GALNT13: variants seen among roughly 807,000 people sequenced by gnomAD.
The protein encoded by GALNT13 is UDP-GalNAc:polypeptide N-acetylgalactosaminyltransferase 13.
Under a neutral mutation model 64.2 loss-of-function variants are expected in GALNT13, and 28 were observed. The observed-to-expected ratio is 0.44, with a 90% confidence interval of 0.32 to 0.60. GALNT13 has a LOEUF of 0.60. Ranked by LOEUF, GALNT13 falls within the 20% of genes least tolerant of loss-of-function variation. The pLI, the probability that GALNT13 is intolerant of heterozygous loss-of-function variation, is 0.05. For missense variants in GALNT13, 577 were observed against 669.8 expected (o/e 0.86, Z 1.53); for synonymous variants, 214 against 224.6 (o/e 0.95, Z 0.42).
chr2:153,633,907 T>C, the GALNT13 span, among the ~76,000 whole-genome samples: 2 of 152,236 alleles, frequency 1.3e-5, no homozygotes, highest in Admixed American at 1.3e-4. Context: ...TGGACAGAAC[T>C]GTCAATCTTT....
chr2:154,245,623 A>G (rs1260342230), intron 6 of GALNT13, among the ~76,000 whole-genome samples, 189 bp from the exon 7 acceptor site: 2 of 152,212 alleles, frequency 1.3e-5, no homozygotes, highest in Admixed American at 1.3e-4. Flanking sequence ...AAGATAGCAT[A>G]AAGTAAACTG....
At chr2:154,243,435 GCA>G (rs1048954726) in intron 6 of GALNT13, among the ~76,000 whole-genome samples, 1 of 151,376 alleles carries the variant, frequency 6.6e-6, no homozygotes, top group East Asian at 1.9e-4. Context: ...TCTTAAAAAT[GCA>G]CACACACACA....
At chr2:154,253,240 C>T (rs1690183586) in intron 7 of GALNT13, among the ~76,000 whole-genome samples, 1 of 152,104 alleles carries the variant, frequency 6.6e-6, no homozygotes, top group East Asian at 1.9e-4. Flanking sequence ...CTTCTAACAA[C>T]TAAATTTGGC....
At chr2:153,798,989 T>C in the GALNT13 span, among the ~76,000 whole-genome samples, 2,867 of 152,202 alleles carry the variant, frequency 0.019, 84 homozygotes, top group East Asian at 0.12. Flanking sequence ...CATCTAGATA[T>C]AAACTGTGTA....
At chr2:153,560,505 CT>C in the GALNT13 span, among the ~76,000 whole-genome samples, 1 of 151,746 alleles carries the variant, frequency 6.6e-6, no homozygotes, top group African/African-American at 2.4e-5. Flanking sequence ...GCAATTTATC[CT>C]AGTACATGAT....
the GALNT13 span, among the ~76,000 whole-genome samples, chr2:153,345,696 T>TTTCTTTCC: frequency 7.2e-6 from 1 of 139,588 alleles, no homozygotes; most frequent in African/African-American, 2.7e-5. Context: ...TCTTTCTTTC[T>TTTCTTTCC]TTCTTTCTCT....
At chr2:154,311,736 C>T (rs1037825824) in intron 9 of GALNT13, among the ~76,000 whole-genome samples, 1 of 152,150 alleles carries the variant, frequency 6.6e-6, no homozygotes, top group African/African-American at 2.4e-5. Context: ...TCTGCAATCT[C>T]GACCATAAGA....
At chr2:154,031,585 C>A (rs963765183) in intron 3 of GALNT13, among the ~76,000 whole-genome samples, 3 of 151,384 alleles carry the variant, frequency 2.0e-5, no homozygotes, top group Non-Finnish European at 4.4e-5. Flanking sequence ...GAAGCATCAA[C>A]CAAAAAAACT....
At chr2:154,094,541 G>A (rs896389567) in intron 3 of GALNT13, among the ~76,000 whole-genome samples, 2 of 151,860 alleles carry the variant, frequency 1.3e-5, no homozygotes, top group Non-Finnish European at 2.9e-5. Context: ...AATAGTATTT[G>A]TCCAAATAAA....
chr2:153,877,316 T>C (rs1005831248), intron 1 of GALNT13, among the ~76,000 whole-genome samples: 26 of 152,160 alleles, frequency 1.7e-4, no homozygotes, highest in African/African-American at 6.0e-4. Flanking sequence ...CTACATTGAA[T>C]TGTCACTTAA....
chr2:153,342,686 T>A, the GALNT13 span, among the ~76,000 whole-genome samples: 1 of 152,216 alleles, frequency 6.6e-6, no homozygotes, highest in Non-Finnish European at 1.5e-5. Context: ...CTCCCTCCTC[T>A]TCCTGCTCCT....
At chr2:153,167,803 C>T in the GALNT13 span, among the ~76,000 whole-genome samples, 1 of 152,124 alleles carries the variant, frequency 6.6e-6, no homozygotes, top group African/African-American at 2.4e-5. Context: ...GCATCCTCTT[C>T]CTTACTTTTT....
the GALNT13 span, among the ~76,000 whole-genome samples, chr2:153,559,720 C>T: frequency 6.6e-6 from 1 of 151,772 alleles, no homozygotes; most frequent in Non-Finnish European, 1.5e-5. Flanking sequence ...GGTTATTATC[C>T]CTATCTGTTA....
the GALNT13 span, among the ~76,000 whole-genome samples, chr2:153,468,143 C>T: frequency 6.6e-5 from 10 of 151,880 alleles, no homozygotes; most frequent in South Asian, 2.1e-4. Context: ...ACTCTTTCAG[C>T]GTCTACGCAC....
chr2:153,760,102 T>G, the GALNT13 span, among the ~76,000 whole-genome samples: 5 of 152,066 alleles, frequency 3.3e-5, no homozygotes, highest in Non-Finnish European at 7.4e-5. Context: ...TCTCTTATGA[T>G]TCTTATATAG....
the GALNT13 span, among the ~76,000 whole-genome samples, chr2:153,710,522 A>G: frequency 1.3e-5 from 2 of 152,138 alleles, no homozygotes; most frequent in Admixed American, 6.6e-5. Context: ...CAACTGGTGT[A>G]AGTAATTTTC....
chr2:153,644,007 ACTAT>A, the GALNT13 span, among the ~76,000 whole-genome samples: 6 of 152,076 alleles, frequency 3.9e-5, no homozygotes, highest in African/African-American at 9.6e-5. Context: ...AGAATGCAAG[ACTAT>A]CTAACTATCA....
At chr2:153,444,253 TTAA>T in the GALNT13 span, among the ~76,000 whole-genome samples, 1 of 152,166 alleles carries the variant, frequency 6.6e-6, no homozygotes, top group Admixed American at 6.5e-5. Context: ...AGGGTGATAG[TTAA>T]TGTTTATCTC....
intron 3 of GALNT13, among the ~76,000 whole-genome samples, chr2:154,054,901 C>T (rs887629670): frequency 1.3e-5 from 2 of 151,888 alleles, no homozygotes; most frequent in Non-Finnish European, 2.9e-5. Context: ...TTTAAATGTT[C>T]TGTATGATGT....
Sources: gnomAD v4.1 joint callset for allele counts (sites outside exome capture counted in the v4.1 genomes callset) on GRCh38, gnomAD v4.1.1 for gene constraint, MANE v1.5 for transcripts, NCBI Gene and HGNC (gene_info 2026-07-23, HGNC 2026-07-21) for gene names.